Variants in CAST observed in about 807,000 individuals in gnomAD.
The protein encoded by CAST is calpastatin.
CAST carries 76 observed loss-of-function variants against 119.6 expected under a neutral mutation model. The observed-to-expected ratio is 0.64, with a 90% CI of 0.53 to 0.77. CAST has a LOEUF of 0.77. Among genes scored for constraint, CAST ranks in the 30% least tolerant of loss-of-function variants. The pLI is 0.00. For missense variants in CAST, 953 were observed against 946.5 expected (o/e 1.01, Z -0.09); for synonymous variants, 319 against 331.6 (o/e 0.96, Z 0.41).
chr5:96,768,057 C>A, intron 29 of CAST, 58 bp downstream of exon 29: 1 of 1,085,344 alleles, frequency 9.2e-7, no homozygotes, highest in Non-Finnish European at 1.4e-6. Flanking sequence ...TGTGTACATA[C>A]ATATAAGTTT....
the CAST span, among the ~76,000 whole-genome samples, chr5:96,502,769 T>C: frequency 2.0e-5 from 3 of 152,122 alleles, no homozygotes; most frequent in African/African-American, 7.2e-5. Flanking sequence ...TTAGAAACAT[T>C]TGCAAGCATA....
At chr5:96,117,712 C>T in the CAST span, among the ~76,000 whole-genome samples, 1 of 152,294 alleles carries the variant, frequency 6.6e-6, no homozygotes, top group South Asian at 2.1e-4. Context: ...AAATATTAGA[C>T]CAAACGATAT....
chr5:96,143,403 C>T, the CAST span, among the ~76,000 whole-genome samples: 1 of 152,196 alleles, frequency 6.6e-6, no homozygotes, highest in Non-Finnish European at 1.5e-5. Flanking sequence ...CCTTCTCCAG[C>T]ATCTTCCCCC....
intron 1 of CAST, among the ~76,000 whole-genome samples, chr5:96,622,840 T>G (rs1387214200): frequency 1.4e-5 from 2 of 145,790 alleles, no homozygotes; most frequent in Non-Finnish European, 3.0e-5. Flanking sequence ...CTTAAGAAGT[T>G]AAGGACTTAT....
the CAST span, chr5:96,432,760 G>A: frequency 6.7e-6 from 6 of 895,860 alleles, no homozygotes; most frequent in Non-Finnish European, 9.2e-6. Context: ...TGCTACTCTG[G>A]GCTCTGGAGA....
the CAST span, among the ~76,000 whole-genome samples, chr5:96,430,372 A>C: frequency 6.6e-6 from 1 of 152,232 alleles, no homozygotes; most frequent in Non-Finnish European, 1.5e-5. Context: ...TGTTCTTTAA[A>C]TTGGTGATTC....
At chr5:96,362,124 G>C in the CAST span, among the ~76,000 whole-genome samples, 4 of 151,886 alleles carry the variant, frequency 2.6e-5, no homozygotes, top group African/African-American at 9.7e-5. Context: ...GAGAATGATG[G>C]TTTCCAGCTT....
the CAST span, among the ~76,000 whole-genome samples, chr5:96,242,006 T>G: frequency 3.5e-5 from 5 of 143,312 alleles, no homozygotes; most frequent in Non-Finnish European, 6.1e-5. Flanking sequence ...TTCTCCCATT[T>G]TGTAGGTTGC....
At chr5:96,567,107 CTCAT>C (rs1050803968) in intron 1 of CAST, among the ~76,000 whole-genome samples, 1 of 152,172 alleles carries the variant, frequency 6.6e-6, no homozygotes, top group African/African-American at 2.4e-5. Flanking sequence ...AAGAAGAGAG[CTCAT>C]TCATTATTAA....
At chr5:96,633,698 C>G (rs1747850021) in intron 1 of CAST, among the ~76,000 whole-genome samples, 1 of 152,210 alleles carries the variant, frequency 6.6e-6, no homozygotes, top group African/African-American at 2.4e-5. Context: ...CAAAGACCAT[C>G]ATGTTCTGTT....
chr5:96,364,247 G>A, the CAST span, among the ~76,000 whole-genome samples: 2 of 152,136 alleles, frequency 1.3e-5, no homozygotes, highest in Admixed American at 1.3e-4. Context: ...GTATTTTATT[G>A]AGGATTTTTG....
the CAST span, among the ~76,000 whole-genome samples, chr5:95,994,476 G>T: frequency 1.3e-5 from 2 of 152,076 alleles, no homozygotes; most frequent in Non-Finnish European, 2.9e-5. Context: ...TAGGGGGAGG[G>T]TGGAGGAGGA....
At chr5:96,216,354 A>G in the CAST span, among the ~76,000 whole-genome samples, 2 of 152,178 alleles carry the variant, frequency 1.3e-5, no homozygotes, top group South Asian at 2.1e-4. Flanking sequence ...AAAAAATCCA[A>G]CCTCACACGG....
chr5:95,969,787 G>A, the CAST span, among the ~76,000 whole-genome samples: 4 of 152,148 alleles, frequency 2.6e-5, no homozygotes, highest in Non-Finnish European at 2.9e-5. Flanking sequence ...TTAGGTTAGC[G>A]GTATCAGTGG....
At chr5:96,285,610 A>G in the CAST span, among the ~76,000 whole-genome samples, 8 of 152,192 alleles carry the variant, frequency 5.3e-5, no homozygotes, top group African/African-American at 1.9e-4. Flanking sequence ...AGAAACTTAA[A>G]TCAGTGTCAG....
chr5:96,056,065 A>G, the CAST span, among the ~76,000 whole-genome samples: 6 of 152,144 alleles, frequency 3.9e-5, no homozygotes, highest in South Asian at 8.3e-4. Flanking sequence ...TTAAAGGGAT[A>G]AGCACAGAGT....
At chr5:96,220,153 G>T in the CAST span, among the ~76,000 whole-genome samples, 3 of 152,302 alleles carry the variant, frequency 2.0e-5, no homozygotes, top group Middle Eastern at 3.4e-3. Context: ...GGAGAAGTTT[G>T]CTCAGAGGCA....
At chr5:96,319,520 T>C in the CAST span, among the ~76,000 whole-genome samples, 3 of 152,226 alleles carry the variant, frequency 2.0e-5, no homozygotes, top group African/African-American at 7.2e-5. Flanking sequence ...TGGGTTGTTA[T>C]ATAGGTTAGT....
chr5:96,703,206 G>A (rs1754226788), intron 3 of CAST, among the ~76,000 whole-genome samples: 1 of 150,820 alleles, frequency 6.6e-6, no homozygotes, highest in Admixed American at 6.6e-5. Context: ...AGGGATTTGT[G>A]TGGCCCGGTA....
Sources: allele counts gnomAD v4.1 joint callset (sites outside exome capture counted in the v4.1 genomes callset), GRCh38; gene constraint gnomAD v4.1.1; transcripts MANE v1.5; gene names NCBI Gene and HGNC (gene_info 2026-07-23, HGNC 2026-07-21).